Variants in LDLRAD4 observed in about 807,000 individuals in gnomAD.
LDLRAD4 encodes low density lipoprotein receptor class A domain containing 4.
In LDLRAD4, 5 loss-of-function variants were observed where a neutral mutation model predicts 17.0. The observed-to-expected ratio is 0.29, with a 90% CI of 0.15 to 0.62. The LOEUF (loss-of-function observed/expected upper bound fraction) is 0.62. LDLRAD4 is among the 20% of genes least tolerant of loss of function. The pLI, the probability that LDLRAD4 is intolerant of heterozygous loss-of-function variation, is 0.84. For synonymous variants in LDLRAD4, 168 were observed against 171.8 expected, an observed-to-expected ratio of 0.98 and a Z score of 0.17; for missense variants, 340 against 424.7, an observed-to-expected ratio of 0.80 and a Z score of 1.75.
chr18:13,430,882 C>G (rs1383050008), intron 2 of LDLRAD4, among the ~76,000 whole-genome samples: 1 of 152,116 alleles, frequency 6.6e-6, no homozygotes, highest in Non-Finnish European at 1.5e-5. Flanking sequence ...GAGCAGGACC[C>G]CTGCCACTCC....
chr18:13,583,388 T>C (rs1206872961), intron 3 of LDLRAD4, among the ~76,000 whole-genome samples: 1 of 152,088 alleles, frequency 6.6e-6, no homozygotes, highest in Non-Finnish European at 1.5e-5. Context: ...ACGTGTGTGG[T>C]GACTGACTTT....
chr18:13,580,910 T>C (rs1472864353), intron 3 of LDLRAD4, among the ~76,000 whole-genome samples: 2 of 152,262 alleles, frequency 1.3e-5, no homozygotes, highest in Admixed American at 1.3e-4. Flanking sequence ...GGTTTTGCAA[T>C]TGAATAATTG....
chr18:13,600,238 T>G (rs55826442), intron 3 of LDLRAD4, among the ~76,000 whole-genome samples: 6,310 of 152,308 alleles, frequency 0.041, 331 homozygotes, highest in African/African-American at 0.12. Flanking sequence ...AAAAAATGAA[T>G]TAATTGAAGT....
At chr18:13,280,544 G>A (rs1567962923) in intron 1 of LDLRAD4, among the ~76,000 whole-genome samples, 3 of 152,184 alleles carry the variant, frequency 2.0e-5, no homozygotes, top group Non-Finnish European at 4.4e-5. Flanking sequence ...GTTTGCTAAG[G>A]AATTTCACAC....
At chr18:13,605,990 A>G (rs1393591769) in intron 3 of LDLRAD4, among the ~76,000 whole-genome samples, 1 of 152,172 alleles carries the variant, frequency 6.6e-6, no homozygotes, top group Non-Finnish European at 1.5e-5. Flanking sequence ...ATAAGCTCCC[A>G]GGGGATGCTG....
chr18:13,469,495 A>G (rs982727312), intron 3 of LDLRAD4, among the ~76,000 whole-genome samples: 3 of 152,266 alleles, frequency 2.0e-5, no homozygotes, highest in African/African-American at 7.2e-5. Context: ...AAGTCTATCA[A>G]CTGATGAAGA....
intron 1 of LDLRAD4, chr18:13,362,241 TAGTC>T (rs1394928715): frequency 3.3e-5 from 5 of 152,256 alleles, no homozygotes; most frequent in African/African-American, 1.2e-4. Flanking sequence ...TCTAGTCTGA[TAGTC>T]TGTCAGTGTG....
rs550202090 is a variant in LDLRAD4, at chr18:13,618,305, C to T, written c.182-2812C>T. Reference sequence around the variant, plus strand: ...CGGAGGCCTGGGCTTTCCCCCGGGACGGAGTGGGGCTTGGTGGAGTCAGGG... The same window carrying T: ...CGGAGGCCTGGGCTTTCCCCCGGGATGGAGTGGGGCTTGGTGGAGTCAGGG... On this transcript the variant is annotated intron_variant, in intron 3 of 5. Coordinates refer to ENST00000359446, the Ensembl canonical transcript of LDLRAD4. Among the ~76,000 whole-genome samples the T allele has an allele frequency of 1.8e-4, 27 of 152,296 alleles. 1 individual carries two copies. In the South Asian group the frequency reaches 4.8e-3, roughly 27 times the overall value.
upstream of LDLRAD4, among the ~76,000 whole-genome samples, chr18:13,274,268 T>C (rs1213013669): frequency 4.6e-5 from 7 of 152,180 alleles, no homozygotes; most frequent in Non-Finnish European, 8.8e-5. Flanking sequence ...GGAGGAGGCC[T>C]GGATGGGGCA....
chr18:13,301,465 G>A (rs907371299), intron 1 of LDLRAD4, among the ~76,000 whole-genome samples: 7 of 152,080 alleles, frequency 4.6e-5, no homozygotes, highest in African/African-American at 1.7e-4. Context: ...TCTTAACAGA[G>A]CTCTGGCTCT....
intron 2 of LDLRAD4, among the ~76,000 whole-genome samples, chr18:13,422,805 G>A (rs2089609212): frequency 6.6e-6 from 1 of 152,168 alleles, no homozygotes. Context: ...TTCCTCTTCT[G>A]TCTCAGCAAG....
At chr18:13,357,573 G>C (rs2083423540) in intron 1 of LDLRAD4, among the ~76,000 whole-genome samples, 1 of 152,196 alleles carries the variant, frequency 6.6e-6, no homozygotes, top group Admixed American at 6.5e-5. Flanking sequence ...TAGGAAGCTT[G>C]ATCAGAATTT....
chr18:13,643,806 G>A (rs2042828168), intron 5 of LDLRAD4, among the ~76,000 whole-genome samples: 1 of 152,162 alleles, frequency 6.6e-6, no homozygotes, highest in African/African-American at 2.4e-5. Flanking sequence ...ATATTGGTGT[G>A]AGAGAAATCA....
chr18:13,236,307 CT>C (rs777785875), intron 1 of LDLRAD4: 460 of 113,348 alleles, frequency 4.1e-3, no homozygotes, highest in Middle Eastern at 0.037. Flanking sequence ...AATAGAAAAA[CT>C]TTTTTTTTTT....
At chr18:13,388,733 G>A (rs546187813) in intron 2 of LDLRAD4, among the ~76,000 whole-genome samples, 26 of 152,356 alleles carry the variant, frequency 1.7e-4, no homozygotes, top group Non-Finnish European at 3.1e-4. Context: ...CTCCTCCGCA[G>A]TCGCCGTGGC....
At chr18:13,418,685 A>T (rs2089165048) in intron 2 of LDLRAD4, among the ~76,000 whole-genome samples, 1 of 152,228 alleles carries the variant, frequency 6.6e-6, no homozygotes, top group African/African-American at 2.4e-5. Context: ...CTGATGAACA[A>T]ATATTTTGAG....
chr18:13,275,790 C>T (rs565880028), upstream of LDLRAD4, among the ~76,000 whole-genome samples: 5 of 152,226 alleles, frequency 3.3e-5, no homozygotes, highest in African/African-American at 1.2e-4. Context: ...TGTTAAAGGC[C>T]TCCCATGTGC....
intron 3 of LDLRAD4, among the ~76,000 whole-genome samples, chr18:13,484,712 C>T (rs916675275): frequency 6.6e-6 from 1 of 152,128 alleles, no homozygotes; most frequent in African/African-American, 2.4e-5. Context: ...GATCTGACTC[C>T]CCCTGCCCCC....
intron 2 of LDLRAD4, among the ~76,000 whole-genome samples, chr18:13,418,315 T>TAGGGAGCCTCTCATGGTTCC (rs2089124806): frequency 6.6e-6 from 1 of 152,244 alleles, no homozygotes; most frequent in Non-Finnish European, 1.5e-5. Flanking sequence ...GCCATCCTTA[T>TAGGGAGCCTCTCATGGTTCC]AGGGAGCCTC....
Sources: gnomAD v4.1 joint callset for allele counts (sites outside exome capture counted in the v4.1 genomes callset) on GRCh38, gnomAD v4.1.1 for gene constraint, MANE v1.5 for transcripts, NCBI Gene and HGNC (gene_info 2026-07-23, HGNC 2026-07-21) for gene names.